GPR158: variants seen among roughly 807,000 people sequenced by gnomAD.
GPR158 encodes the protein G protein-coupled receptor 158.
Under a neutral mutation model 78.2 loss-of-function variants are expected in GPR158, and 30 were observed. The observed-to-expected ratio is 0.38, with a 90% CI of 0.29 to 0.52. The LOEUF (loss-of-function observed/expected upper bound fraction) is 0.52. Ranked by LOEUF, GPR158 falls within the 20% of genes least tolerant of loss-of-function variation. The probability of loss-of-function intolerance (pLI) is 0.83; values close to 1 mark genes in which losing one functional copy is unlikely to be tolerated. For synonymous variants in GPR158, 581 were observed against 591.1 expected (o/e 0.98, Z 0.25); for missense variants, 1,463 against 1,523.5 (o/e 0.96, Z 0.66).
chr10:25,345,775 A>G (rs1855363789), intron 2 of GPR158, among the ~76,000 whole-genome samples: 1 of 151,918 alleles, frequency 6.6e-6, no homozygotes, highest in Non-Finnish European at 1.5e-5. Flanking sequence ...AGGTAGGGAA[A>G]CCAAGGAAGA....
intron 2 of GPR158, among the ~76,000 whole-genome samples, chr10:25,314,837 A>C (rs1338866947): frequency 7.7e-6 from 1 of 129,994 alleles, no homozygotes; most frequent in African/African-American, 3.4e-5. Context: ...TCATACATAT[A>C]CACGTATATA....
intron 2 of GPR158, among the ~76,000 whole-genome samples, chr10:25,272,815 C>T (rs1854134414): frequency 6.6e-6 from 1 of 152,162 alleles, no homozygotes; most frequent in African/African-American, 2.4e-5. Flanking sequence ...GCAAATGTTC[C>T]TTCAAATTGC....
intron 2 of GPR158, among the ~76,000 whole-genome samples, chr10:25,273,286 T>C (rs953272596): frequency 6.6e-6 from 1 of 152,112 alleles, no homozygotes; most frequent in African/African-American, 2.4e-5. Flanking sequence ...TGTTAGATTA[T>C]GCAGTCTAAC....
At chr10:25,404,618 G>A (rs1834488482) in intron 3 of GPR158, among the ~76,000 whole-genome samples, 1 of 151,956 alleles carries the variant, frequency 6.6e-6, no homozygotes, top group Non-Finnish European at 1.5e-5. Context: ...CTTTTTCTAT[G>A]TCCTGCATTC....
At chr10:25,379,892 C>CTTT (rs34353740) in intron 2 of GPR158, among the ~76,000 whole-genome samples, 4 of 148,454 alleles carry the variant, frequency 2.7e-5, no homozygotes, top group African/African-American at 5.0e-5. Context: ...TATTTACCTC[C>CTTT]TTTTTTTTTT....
At chr10:25,224,473 A>G (rs982891465) in intron 2 of GPR158, among the ~76,000 whole-genome samples, 2 of 151,452 alleles carry the variant, frequency 1.3e-5, no homozygotes, top group African/African-American at 2.4e-5. Context: ...TGAAGATGAA[A>G]TAATATTTTA....
At chr10:25,253,959 A>G (rs1214661940) in intron 2 of GPR158, among the ~76,000 whole-genome samples, 2 of 152,232 alleles carry the variant, frequency 1.3e-5, no homozygotes, top group Non-Finnish European at 2.9e-5. Flanking sequence ...TTTCAAAACA[A>G]CTGTCTCAGT....
chr10:25,413,080 G>A (rs1834614927), intron 4 of GPR158, among the ~76,000 whole-genome samples: 1 of 152,152 alleles, frequency 6.6e-6, no homozygotes, highest in Admixed American at 6.5e-5. Flanking sequence ...CAGCACATTG[G>A]GAGGCCAAGG....
rs760492345 is a variant in GPR158, at chr10:25,175,663, C to T, written c.243C>T (p.Asp81=). 5.6e-6 allele frequency: 9 copies of T among 1,611,382 alleles called. No homozygotes were observed. Among genetic ancestry groups the T allele is most frequent in the Non-Finnish European group, 6.8e-6 (8 of 1,179,940 alleles). Residue 81 remains aspartate, a synonymous_variant, in exon 1 of 11, where the codon GAC becomes GAT. Coordinates refer to ENST00000376351, the MANE Select transcript of GPR158 (RefSeq NM_020752.3). This position sits in a 1 kb window ranked among gnomAD's most constrained non-coding sequence, Gnocchi z 6.4. Reference sequence around the variant, plus strand: ...AACTCGCCGAGGAGGTGCCCATGGACGTGGCCTCTTACCTCTACACCGGGG... The same window carrying T: ...AACTCGCCGAGGAGGTGCCCATGGATGTGGCCTCTTACCTCTACACCGGGG... The part of the protein sequence containing the change: ...AQKLAEEVPM[D]VASYLYTGDS...
chr10:25,186,938 AAG>A (rs888772047), intron 1 of GPR158, among the ~76,000 whole-genome samples: 1 of 150,460 alleles, frequency 6.6e-6, no homozygotes, highest in African/African-American at 2.4e-5. Flanking sequence ...GAATTTTAGA[AAG>A]AGGGAATCCT....
rs114768275 is a variant in GPR158 at position 25,206,794 on chromosome 10, A to G, written c.903-14258A>G. ...GATGGTTAAATAATTTACTTGCCAG[A>G]AGGTAGGGTGATTGACAGGTGATTT... On this transcript the variant is annotated intron_variant, in intron 1 of 10. Coordinates refer to ENST00000376351, the MANE Select transcript of GPR158 (RefSeq NM_020752.3). Among the ~76,000 whole-genome samples the G allele has an allele frequency of 6.7e-3, 1,018 of 151,970 alleles. 14 individuals carry two copies. Among genetic ancestry groups the G allele is most frequent in the African/African-American group, 0.024 (975 of 41,436 alleles).
chr10:25,548,691 C>T (rs575047406), intron 5 of GPR158, among the ~76,000 whole-genome samples: 1 of 152,302 alleles, frequency 6.6e-6, no homozygotes, highest in Admixed American at 6.5e-5. Context: ...CTCTCTCCTA[C>T]CACCAGCTTT....
At chr10:25,230,242 G>A (rs1853430286) in intron 2 of GPR158, among the ~76,000 whole-genome samples, 1 of 152,180 alleles carries the variant, frequency 6.6e-6, no homozygotes, top group Non-Finnish European at 1.5e-5. Flanking sequence ...TAGGAAGAAT[G>A]ATGTGGTTTG....
chr10:25,292,355 G>A (rs1463312821), intron 2 of GPR158, among the ~76,000 whole-genome samples: 2 of 152,026 alleles, frequency 1.3e-5, no homozygotes, highest in African/African-American at 4.8e-5. Flanking sequence ...CAGTCTCTTT[G>A]GAATGAGCTG....
At chr10:25,199,286 A>G (rs1852888260) in intron 1 of GPR158, among the ~76,000 whole-genome samples, 1 of 152,128 alleles carries the variant, frequency 6.6e-6, no homozygotes, top group African/African-American at 2.4e-5. Context: ...AGTACCTGAT[A>G]GGTAGTTTTT....
intron 2 of GPR158, among the ~76,000 whole-genome samples, chr10:25,298,288 CA>C (rs1854544325): frequency 1.3e-5 from 2 of 152,058 alleles, no homozygotes; most frequent in Admixed American, 6.6e-5. Context: ...GTTAACTTAG[CA>C]AACTTTTGAC....
Position 25,176,226 on chromosome 10 carries a change from A to T in GPR158, c.806A>T (p.Tyr269Phe). 2 of 1,603,024 alleles carry T rather than the reference A, an allele frequency of 1.2e-6. No homozygotes were observed. The highest frequency in any genetic ancestry group is 1.7e-6 in the Non-Finnish European group (2 of 1,175,928). Residue 269 changes from tyrosine to phenylalanine, a missense_variant, in exon 1 of 11, where the codon TAT becomes TTT. By Grantham distance (22) the Tyr-to-Phe change is conservative. Transcript: ENST00000376351. This position sits in a 1 kb window ranked among gnomAD's most constrained non-coding sequence, Gnocchi z 6.3. Reference protein sequence around the residue: ...DKSHFKWSPPYLECENGSYKP... With the variant: ...DKSHFKWSPPFLECENGSYKP... The stretch of plus-strand genomic sequence containing the variant: ...AGCCACTTCAAGTGGTCTCCGCCTT[A>T]TCTGGAGTGCGAGAACGGGAGTTAC...
intron 2 of GPR158, among the ~76,000 whole-genome samples, chr10:25,382,630 G>T (rs1191113664): frequency 6.6e-6 from 1 of 152,018 alleles, no homozygotes; most frequent in African/African-American, 2.4e-5. Flanking sequence ...GGTAAAATAT[G>T]TGAGTGATGT....
At chr10:25,272,686 G>A (rs543561610) in intron 2 of GPR158, among the ~76,000 whole-genome samples, 1 of 152,286 alleles carries the variant, frequency 6.6e-6, no homozygotes, top group Admixed American at 6.5e-5. Context: ...AAATGGAATG[G>A]AAATAGAAAC....
Sources: allele counts gnomAD v4.1 joint callset (sites outside exome capture counted in the v4.1 genomes callset), GRCh38; gene constraint gnomAD v4.1.1; non-coding constraint Gnocchi (gnomAD v3.1); transcripts MANE v1.5; gene names NCBI Gene and HGNC (gene_info 2026-07-23, HGNC 2026-07-21).